CCNY: variants seen among roughly 807,000 people sequenced by gnomAD.
CCNY encodes cyclin-Y.
CCNY carries 19 observed loss-of-function variants against 42.8 expected under a neutral mutation model. The observed-to-expected ratio is 0.44, with a 90% CI of 0.31 to 0.65. CCNY has a LOEUF of 0.65. CCNY is among the 30% of genes least tolerant of loss of function. The pLI is 0.07. For synonymous variants in CCNY, 165 were observed against 162.7 expected (o/e 1.01, Z -0.11); for missense variants, 370 against 437.3 (o/e 0.85, Z 1.37).
intron 3 of CCNY, among the ~76,000 whole-genome samples, chr10:35,267,680 C>T (rs890561990): frequency 1.3e-5 from 2 of 152,120 alleles, no homozygotes; most frequent in East Asian, 1.9e-4. Context: ...TTCCAAGTAT[C>T]GATTCCCAGG....
At chr10:35,257,383 T>C (rs2095716478) in intron 3 of CCNY, among the ~76,000 whole-genome samples, 1 of 151,430 alleles carries the variant, frequency 6.6e-6, no homozygotes, top group South Asian at 2.1e-4. Flanking sequence ...GCTCGGGTGA[T>C]CCTCTCTCCT....
At chr10:35,565,928 GT>G in intron 8 of CCNY, 94 bp from the exon 9 acceptor site, 1 of 1,258,400 alleles carries the variant, frequency 7.9e-7, no homozygotes, top group East Asian at 2.3e-5. Context: ...GGAGGATGCA[GT>G]TTTCTGGAGT....
At chr10:35,551,051 C>G (rs1841246442) in intron 7 of CCNY, among the ~76,000 whole-genome samples, 1 of 152,150 alleles carries the variant, frequency 6.6e-6, no homozygotes, top group Non-Finnish European at 1.5e-5. Context: ...CCTCTTCCTC[C>G]CCAGTGCACC....
intron 1 of CCNY, among the ~76,000 whole-genome samples, chr10:35,453,877 C>T (rs1838973473): frequency 6.6e-6 from 1 of 152,070 alleles, no homozygotes; most frequent in South Asian, 2.1e-4. Flanking sequence ...CAGTTGGTTT[C>T]TTATTGGTAA....
intron 1 of CCNY, among the ~76,000 whole-genome samples, chr10:35,354,139 C>T (rs935830177): frequency 2.6e-5 from 4 of 151,514 alleles, no homozygotes; most frequent in African/African-American, 9.7e-5. Context: ...CAAGAGAGAG[C>T]AGGAGAGACC....
intron 3 of CCNY, among the ~76,000 whole-genome samples, chr10:35,280,007 T>C (rs370613819): frequency 2.0e-5 from 3 of 152,172 alleles, no homozygotes; most frequent in African/African-American, 7.2e-5. Context: ...TAAATTTTTG[T>C]CTCCATCATT....
rs1554797217 is a variant in CCNY at position 35,516,688 on chromosome 10, T to TA, written c.365+66dup. The TA allele has an allele frequency of 4.8e-3, 3,944 of 828,958 alleles. 68 individuals carry two copies. The highest frequency in any genetic ancestry group is 8.5e-3 in the Admixed American group (279 of 32,874). The allele number at this position is 828,958 out of a possible 1,614,324, so 51.4% of individuals were successfully genotyped here. A position where few individuals can be genotyped will look rare whatever the true frequency, so the allele number is the denominator to read the frequency against. ...TTTTTTTTTTTTTTTTTTTTTTTTT[T>TA]ACTTAACTGAATGCTTTTTCTGTTC... is the stretch of plus-strand genomic sequence containing the variant. On this transcript the variant is annotated intron_variant, in intron 4 of 9. Coordinates refer to ENST00000374704, the MANE Select transcript of CCNY (RefSeq NM_145012.6).
chr10:35,320,196 T>A (rs566901855), intron 3 of CCNY, among the ~76,000 whole-genome samples: 2 of 149,134 alleles, frequency 1.3e-5, no homozygotes, highest in South Asian at 2.1e-4. Context: ...TATACCTCAC[T>A]GAATACAGAT....
intron 3 of CCNY, among the ~76,000 whole-genome samples, chr10:35,298,891 T>C (rs1835502073): frequency 6.6e-6 from 1 of 152,186 alleles, no homozygotes; most frequent in African/African-American, 2.4e-5. Context: ...TTTGGTTGGT[T>C]GTTTCCAGTT....
intron 3 of CCNY, among the ~76,000 whole-genome samples, chr10:35,301,870 C>A (rs558601709): frequency 1.3e-5 from 2 of 152,076 alleles, no homozygotes; most frequent in Non-Finnish European, 2.9e-5. Flanking sequence ...TGGGCTCAAG[C>A]GATCTGCCCG....
chr10:35,350,216 C>CT (rs1836397833), intron 1 of CCNY, among the ~76,000 whole-genome samples: 1 of 152,206 alleles, frequency 6.6e-6, no homozygotes, highest in Non-Finnish European at 1.5e-5. Flanking sequence ...TGTGTAATTT[C>CT]TTTAACTCAG....
At position 35,336,543 on chromosome 10, in the gene CCNY, A is replaced by C. The variant is rs1387412726; in HGVS notation, c.-511A>C. 1 of 148,330 alleles carries C rather than the reference A, an allele frequency of 6.7e-6. No homozygotes were observed. Among genetic ancestry groups the C allele is most frequent in the Non-Finnish European group, 1.5e-5 (1 of 66,696 alleles). The allele number at this position is 148,330 out of a possible 1,614,324, so 9.2% of individuals were successfully genotyped here. A position where few individuals can be genotyped will look rare whatever the true frequency, so the allele number is the denominator to read the frequency against. On this transcript the variant is annotated 5_prime_UTR_variant, in exon 1 of 10. Coordinates refer to ENST00000374704, the MANE Select transcript of CCNY (RefSeq NM_145012.6). ...GGCCGCGCCGCACCGCGCCGCGAGGAGTCCGGGGGCTGCGCCCACGCCCGC... is the reference window on the plus strand; with the variant it reads ...GGCCGCGCCGCACCGCGCCGCGAGGCGTCCGGGGGCTGCGCCCACGCCCGC...
chr10:35,507,310 A>T (rs139414941), intron 3 of CCNY, among the ~76,000 whole-genome samples: 9 of 152,276 alleles, frequency 5.9e-5, no homozygotes, highest in Admixed American at 3.3e-4. Flanking sequence ...TATATGTTTT[A>T]ACTTTTATTT....
chr10:35,360,939 C>T (rs2135154874), intron 1 of CCNY, among the ~76,000 whole-genome samples: 1 of 152,290 alleles, frequency 6.6e-6, no homozygotes, highest in Admixed American at 6.5e-5. Context: ...CAGCTCACTG[C>T]AGCCTCTGCC....
intron 3 of CCNY, among the ~76,000 whole-genome samples, chr10:35,279,425 C>A (rs892956886): frequency 6.6e-6 from 1 of 152,168 alleles, no homozygotes; most frequent in Non-Finnish European, 1.5e-5. Context: ...TGCCTTCAAT[C>A]ATCTAACGCC....
chr10:35,451,002 G>A (rs1213045731), intron 1 of CCNY, among the ~76,000 whole-genome samples: 1 of 152,014 alleles, frequency 6.6e-6, no homozygotes, highest in African/African-American at 2.4e-5. Context: ...TGTTTTTTGT[G>A]CCCATGATCT....
chr10:35,362,184 A>T (rs975564172), intron 1 of CCNY, among the ~76,000 whole-genome samples: 2 of 152,226 alleles, frequency 1.3e-5, no homozygotes, highest in Non-Finnish European at 2.9e-5. Context: ...TGGATAAGGG[A>T]GACTCAGCCT....
chr10:35,533,701 A>C (rs1427314624), intron 7 of CCNY, among the ~76,000 whole-genome samples: 1 of 151,970 alleles, frequency 6.6e-6, no homozygotes, highest in South Asian at 2.1e-4. Flanking sequence ...CTTTTTCTCC[A>C]CTTGCTTATC....
rs1457262508 is a variant in CCNY, at chr10:35,453,070, G to T, written c.155-30334G>T. ...GTTCACTGTAACTTGGAACTCTTGG[G>T]CTCAAGCATTCCTCTTGTCTCAGCC... On this transcript the variant is annotated intron_variant, in intron 1 of 9. Coordinates refer to ENST00000374704, the MANE Select transcript of CCNY (RefSeq NM_145012.6). 4.6e-5 allele frequency among the ~76,000 whole-genome samples: 7 copies of T among 152,268 alleles called. No homozygotes were observed. The East Asian group carries it at 7.7e-4, about 17-fold the overall frequency.
Sources: allele counts gnomAD v4.1 joint callset (sites outside exome capture counted in the v4.1 genomes callset), GRCh38; gene constraint gnomAD v4.1.1; transcripts MANE v1.5; gene names NCBI Gene and HGNC (gene_info 2026-07-23, HGNC 2026-07-21).